The following RGS6 variants were observed in gnomAD, a reference collection of about 807,000 sequenced individuals.
RGS6 encodes the protein regulator of G protein signaling 6, also known as regulator of G-protein signaling 6.
In RGS6, 30 loss-of-function variants were observed where a neutral mutation model predicts 78.5. The observed-to-expected ratio is 0.38, with a 90% CI of 0.29 to 0.52. RGS6 has a LOEUF of 0.52. Among genes scored for constraint, RGS6 ranks in the 20% least tolerant of loss-of-function variants. The pLI is 0.85. For synonymous variants in RGS6, 206 were observed against 206.0 expected, an observed-to-expected ratio of 1.00 and a Z score of 0.00; for missense variants, 495 against 609.7, an observed-to-expected ratio of 0.81 and a Z score of 1.98.
chr14:71,931,562 C>T (rs79676730), upstream of RGS6, among the ~76,000 whole-genome samples: 1 of 152,148 alleles, frequency 6.6e-6, no homozygotes, highest in Non-Finnish European at 1.5e-5. Flanking sequence ...TATTTTATTT[C>T]AAGTATTTTT....
At chr14:71,936,787 T>G (rs2089487487) in intron 1 of RGS6, among the ~76,000 whole-genome samples, 2 of 152,206 alleles carry the variant, frequency 1.3e-5, no homozygotes, top group Non-Finnish European at 2.9e-5. Context: ...TACACAAACA[T>G]GTTTTTAACA....
chr14:72,344,920 C>T (rs1423654515), intron 2 of RGS6, among the ~76,000 whole-genome samples: 5 of 152,120 alleles, frequency 3.3e-5, no homozygotes, highest in African/African-American at 7.2e-5. Context: ...TGTTGTTTAA[C>T]GCAAGGTCTC....
intron 2 of RGS6, among the ~76,000 whole-genome samples, chr14:72,315,927 A>G (rs1376249205): frequency 6.6e-6 from 1 of 152,196 alleles, no homozygotes. Flanking sequence ...TACTTCTACC[A>G]CAGAGGCCAG....
intron 2 of RGS6, among the ~76,000 whole-genome samples, chr14:72,093,000 G>T (rs961808179): frequency 6.6e-6 from 1 of 151,486 alleles, no homozygotes; most frequent in Non-Finnish European, 1.5e-5. Flanking sequence ...GACTTGCCTT[G>T]TTTCCATTAT....
At chr14:72,453,287 A>T (rs1177400732) in intron 3 of RGS6, among the ~76,000 whole-genome samples, 1 of 152,112 alleles carries the variant, frequency 6.6e-6, no homozygotes, top group Non-Finnish European at 1.5e-5. Flanking sequence ...TGAATGGGAC[A>T]TGTATTGGCT....
intron 3 of RGS6, among the ~76,000 whole-genome samples, chr14:72,412,847 G>T (rs1361939099): frequency 6.6e-6 from 1 of 152,108 alleles, no homozygotes; most frequent in Non-Finnish European, 1.5e-5. Context: ...TTCAGGAGCA[G>T]GTTGTTCAGT....
chr14:72,524,189 A>T (rs985339879), intron 15 of RGS6, among the ~76,000 whole-genome samples: 12 of 152,212 alleles, frequency 7.9e-5, no homozygotes, highest in African/African-American at 2.9e-4. Context: ...CTGCCCTTAG[A>T]TGGGAAAAAA....
intron 8 of RGS6, among the ~76,000 whole-genome samples, chr14:72,472,316 T>A (rs2096104933): frequency 6.6e-6 from 1 of 152,214 alleles, no homozygotes. Flanking sequence ...GCCTCCTGGA[T>A]CTTGTCTCAT....
chr14:72,429,572 A>C (rs1340941784), intron 3 of RGS6, among the ~76,000 whole-genome samples: 2 of 152,184 alleles, frequency 1.3e-5, no homozygotes, highest in East Asian at 3.9e-4. Context: ...GAATTTGAGG[A>C]GAAACATATC....
chr14:72,287,188 A>G (rs1484049360), intron 2 of RGS6, among the ~76,000 whole-genome samples: 2 of 152,184 alleles, frequency 1.3e-5, no homozygotes, highest in Non-Finnish European at 2.9e-5. Context: ...CACTGAATTT[A>G]TTTATTAGTT....
chr14:72,583,275 T>C, the RGS6 span, among the ~76,000 whole-genome samples: 3 of 152,370 alleles, frequency 2.0e-5, no homozygotes, highest in South Asian at 6.2e-4. Context: ...ATGGGACTCC[T>C]TGGCCTCCAT....
chr14:71,960,301 A>G (rs187879129), intron 1 of RGS6, among the ~76,000 whole-genome samples: 2 of 152,326 alleles, frequency 1.3e-5, no homozygotes, highest in Non-Finnish European at 1.5e-5. Flanking sequence ...TATGAATTCC[A>G]GAAGTGGATT....
At chr14:72,455,064 A>G (rs1379726118) in intron 4 of RGS6, among the ~76,000 whole-genome samples, 2 of 152,230 alleles carry the variant, frequency 1.3e-5, no homozygotes, top group Non-Finnish European at 2.9e-5. Context: ...AAACAACAAC[A>G]GAACCCTGGC....
At chr14:72,594,775 C>T in the RGS6 span, 1 of 152,140 alleles carries the variant, frequency 6.6e-6, no homozygotes, top group African/African-American at 2.4e-5. Context: ...ATGGCGGGAA[C>T]AAGCAAATGT....
At chr14:72,548,345 G>GCC (rs1402523957) in intron 17 of RGS6, among the ~76,000 whole-genome samples, 1 of 134,244 alleles carries the variant, frequency 7.4e-6, no homozygotes, top group East Asian at 2.4e-4. Flanking sequence ...GTGTGTGTGC[G>GCC]CGCGTGTGTG....
chr14:72,091,768 A>G (rs1377816625), intron 2 of RGS6, among the ~76,000 whole-genome samples: 1 of 152,136 alleles, frequency 6.6e-6, no homozygotes, highest in African/African-American at 2.4e-5. Context: ...CTGTCCTCAG[A>G]TGTACTCACT....
chr14:71,976,009 C>T (rs148980656), intron 2 of RGS6, among the ~76,000 whole-genome samples: 169 of 152,172 alleles, frequency 1.1e-3, no homozygotes, highest in African/African-American at 3.8e-3. Flanking sequence ...AAAGTCATCC[C>T]ATTGAATTTG....
the RGS6 span, among the ~76,000 whole-genome samples, chr14:72,604,169 G>A: frequency 2.6e-5 from 4 of 152,182 alleles, no homozygotes; most frequent in Admixed American, 1.3e-4. Flanking sequence ...TGTGTGTCAT[G>A]TGGCAACTAG....
At chr14:71,953,988 T>TTTTTTTG (rs1555399180) in intron 1 of RGS6, among the ~76,000 whole-genome samples, 1 of 147,910 alleles carries the variant, frequency 6.8e-6, no homozygotes, top group Non-Finnish European at 1.5e-5. Flanking sequence ...TTTTTTTTTT[T>TTTTTTTG]CCTTCAACAT....
Sources: gnomAD v4.1 joint callset for allele counts (sites outside exome capture counted in the v4.1 genomes callset) on GRCh38, gnomAD v4.1.1 for gene constraint, MANE v1.5 for transcripts, NCBI Gene and HGNC (gene_info 2026-07-23, HGNC 2026-07-21) for gene names.